Variants in SOX6 observed in about 807,000 individuals in gnomAD.
SOX6 encodes the protein SRY-box transcription factor 6.
In SOX6, 11 loss-of-function variants were observed where a neutral mutation model predicts 97.8. The ratio of observed to expected loss-of-function variants is 0.11; its 90% CI spans 0.07 to 0.19. The LOEUF (loss-of-function observed/expected upper bound fraction) is 0.19. SOX6 is among the 10% of genes least tolerant of loss of function. SOX6 has a pLI of 1.00. For missense variants in SOX6, 810 were observed against 1,039.5 expected, an observed-to-expected ratio of 0.78 and a Z score of 3.04; for synonymous variants, 360 against 371.4, an observed-to-expected ratio of 0.97 and a Z score of 0.35.
intron 3 of SOX6, among the ~76,000 whole-genome samples, chr11:16,693,640 CTT>C (rs1449247435): frequency 6.6e-6 from 1 of 151,984 alleles, no homozygotes; most frequent in Non-Finnish European, 1.5e-5. Context: ...ACTAAATGTT[CTT>C]TGTCACAATT....
chr11:16,470,502 A>G (rs1316033504), intron 1 of SOX6, among the ~76,000 whole-genome samples: 2 of 152,168 alleles, frequency 1.3e-5, no homozygotes, highest in Non-Finnish European at 2.9e-5. Context: ...ACATGTGGCA[A>G]TTTTGGAATA....
intron 12 of SOX6, among the ~76,000 whole-genome samples, chr11:16,034,135 C>G (rs1255805865): frequency 1.3e-5 from 2 of 152,044 alleles, no homozygotes; most frequent in African/African-American, 4.8e-5. Context: ...GGCAAGAGAA[C>G]CCCAAATATA....
intron 9 of SOX6, among the ~76,000 whole-genome samples, chr11:16,063,753 G>A (rs1418854458): frequency 2.0e-5 from 3 of 149,544 alleles, no homozygotes; most frequent in Non-Finnish European, 3.0e-5. Context: ...GTGAGGCACT[G>A]GGCTGGATAT....
intron 1 of SOX6, among the ~76,000 whole-genome samples, chr11:16,441,912 T>C (rs1859510346): frequency 6.6e-6 from 1 of 152,202 alleles, no homozygotes. Flanking sequence ...CTTTAAGAAA[T>C]GACTGTCGTG....
At chr11:16,369,102 T>G (rs182922704) in intron 1 of SOX6, among the ~76,000 whole-genome samples, 1 of 151,836 alleles carries the variant, frequency 6.6e-6, no homozygotes, top group African/African-American at 2.4e-5. Context: ...AAAGAATGTA[T>G]ACGAATGACA....
In SOX6 at chr11:16,041,288, T is replaced by A. The variant is rs534716323; in HGVS notation, c.1623+5226A>T. On this transcript the variant is annotated intron_variant, in intron 12 of 15. Transcript: ENST00000683767. ...TATATTGATCCTCTGTCTAAATTTA[T>A]CCTGTCATGCAATAATGAATACCTG... Among the ~76,000 whole-genome samples the A allele has an allele frequency of 1.4e-3, 212 of 152,246 alleles. 1 individual carries two copies. The highest frequency in any genetic ancestry group is 4.8e-3 in the African/African-American group (198 of 41,574).
chr11:16,078,723 G>A (rs541043135), intron 9 of SOX6, among the ~76,000 whole-genome samples: 1 of 152,210 alleles, frequency 6.6e-6, no homozygotes, highest in South Asian at 2.1e-4. Context: ...TGAGTATGGG[G>A]TAGGCTGGGA....
intron 3 of SOX6, among the ~76,000 whole-genome samples, chr11:16,260,602 T>A (rs949929281): frequency 1.3e-5 from 2 of 152,152 alleles, no homozygotes; most frequent in Non-Finnish European, 2.9e-5. Context: ...TGTATTTTTG[T>A]CTTGGTTCAA....
chr11:16,210,204 C>T (rs182135100), intron 4 of SOX6, among the ~76,000 whole-genome samples: 2 of 152,114 alleles, frequency 1.3e-5, no homozygotes, highest in African/African-American at 2.4e-5. Flanking sequence ...CATAGCAGCA[C>T]TATTCATAAT....
chr11:15,991,816 A>T (rs1210866422), intron 13 of SOX6, among the ~76,000 whole-genome samples: 1 of 152,180 alleles, frequency 6.6e-6, no homozygotes, highest in Non-Finnish European at 1.5e-5. Flanking sequence ...TCTCTACTCC[A>T]TACCAATAGA....
chr11:16,360,980 G>A (rs1328380363), upstream of SOX6, among the ~76,000 whole-genome samples: 1 of 148,968 alleles, frequency 6.7e-6, no homozygotes, highest in Non-Finnish European at 1.5e-5. Flanking sequence ...TCCAGTCTGG[G>A]CAAAAGAGCA....
At chr11:16,533,512 T>C (rs915031242) in intron 4 of SOX6, among the ~76,000 whole-genome samples, 1 of 152,044 alleles carries the variant, frequency 6.6e-6, no homozygotes, top group South Asian at 2.1e-4. Context: ...TGTCATTCCT[T>C]TGCAGAAGCA....
At chr11:16,499,028 C>A (rs1179481697) in intron 4 of SOX6, among the ~76,000 whole-genome samples, 1 of 152,180 alleles carries the variant, frequency 6.6e-6, no homozygotes, top group Non-Finnish European at 1.5e-5. Context: ...ACCACTCACA[C>A]CTATTCCAAA....
At chr11:16,499,046 A>G (rs1860657827) in intron 4 of SOX6, among the ~76,000 whole-genome samples, 2 of 152,214 alleles carry the variant, frequency 1.3e-5, no homozygotes, top group South Asian at 4.1e-4. Context: ...AAAATTGACC[A>G]CATAGTTGGA....
intron 3 of SOX6, chr11:16,317,977 T>C (rs1032453129): frequency 1.1e-5 from 5 of 453,278 alleles, no homozygotes; most frequent in Non-Finnish European, 1.8e-5. Flanking sequence ...GTTTTAACAA[T>C]GTTTGAAGCC....
intron 3 of SOX6, among the ~76,000 whole-genome samples, chr11:16,637,155 T>C (rs1848802986): frequency 6.6e-6 from 1 of 152,206 alleles, no homozygotes; most frequent in African/African-American, 2.4e-5. Flanking sequence ...TTCATTTATA[T>C]TCTTAATTTA....
In SOX6 at chr11:16,097,563, C is replaced by T. The variant is rs533229538; in HGVS notation, c.978+46G>A. On this transcript the variant is annotated intron_variant, in intron 8 of 15. Coordinates refer to ENST00000683767, the MANE Select transcript of SOX6 (RefSeq NM_001367873.1). ...CATACAGCTGGTTAGCAGTTTTCCA[C>T]TAAAGTACTGGCTCATATCCCACAT... The T allele has an allele frequency of 2.6e-6, 4 of 1,549,294 alleles. No homozygotes were observed. The East Asian group carries it at 6.8e-5, about 26-fold the overall frequency.
At chr11:16,658,436 CG>C (rs1847740413) in intron 3 of SOX6, among the ~76,000 whole-genome samples, 1 of 152,114 alleles carries the variant, frequency 6.6e-6, no homozygotes, top group Non-Finnish European at 1.5e-5. Flanking sequence ...TGGCCAGGTG[CG>C]GTGGCTCACG....
chr11:16,185,317 A>G (rs1372608145), intron 5 of SOX6, among the ~76,000 whole-genome samples: 1 of 152,180 alleles, frequency 6.6e-6, no homozygotes, highest in East Asian at 1.9e-4. Context: ...TCAGAAATGT[A>G]CAACTCATTC....
Sources: allele counts gnomAD v4.1 joint callset (sites outside exome capture counted in the v4.1 genomes callset), GRCh38; gene constraint gnomAD v4.1.1; transcripts MANE v1.5; gene names NCBI Gene and HGNC (gene_info 2026-07-23, HGNC 2026-07-21).